FBN3: variants seen among roughly 807,000 people sequenced by gnomAD.
The protein encoded by FBN3 is fibrillin 3.
Under a neutral mutation model 330.1 loss-of-function variants are expected in FBN3, and 234 were observed. The ratio of observed to expected loss-of-function variants is 0.71; its 90% confidence interval spans 0.64 to 0.79. FBN3 has a LOEUF of 0.79. Ranked by LOEUF, FBN3 falls within the 30% of genes least tolerant of loss-of-function variation. The pLI is 0.00. For synonymous variants in FBN3, 1,458 were observed against 1,517.3 expected (o/e 0.96, Z 0.91); for missense variants, 3,606 against 3,886.9 (o/e 0.93, Z 1.92).
chr19:8,136,416 G>A lies in FBN3; in HGVS notation c.1317C>T (p.Tyr439=). ...TGCACTCGCCGCGCACGTCCTGGGT[G>A]TAGCCCACGTTACACTCGCAGCGGT... ...SSYRCECNVG[Y]TQDVRGECID... Residue 439 remains tyrosine (Y), a synonymous_variant, in exon 11 of 64, where the codon TAC becomes TAT. Coordinates refer to ENST00000600128, the MANE Select transcript of FBN3 (RefSeq NM_032447.5). The A allele has an allele frequency of 6.2e-7, 1 of 1,614,162 alleles. No individual in the cohort carries two copies. The highest frequency in any genetic ancestry group is 1.1e-5 in the South Asian group (1 of 91,090).
Position 8,109,824 on chromosome 19 carries a change from G to A in FBN3, c.4334-71C>T. 7.0e-7 allele frequency: 1 copy of A among 1,425,784 alleles called. No individual in the cohort carries two copies. The highest frequency in any genetic ancestry group is 9.2e-7 in the Non-Finnish European group (1 of 1,085,978). 88.3% of individuals were successfully genotyped at this position (1,425,784 alleles called of 1,614,324 possible). On this transcript the variant is annotated intron_variant, in intron 34 of 63. Coordinates refer to ENST00000600128, the MANE Select transcript of FBN3 (RefSeq NM_032447.5). This position sits in a 1 kb window ranked among gnomAD's most constrained non-coding sequence, Gnocchi z 5.2. Reference sequence around the variant, plus strand: ...CCCCCCTCCCTCCTAGCTTCATCCTGGGAAGCTACAGCCCTCGCTCAAGGT... The same window carrying A: ...CCCCCCTCCCTCCTAGCTTCATCCTAGGAAGCTACAGCCCTCGCTCAAGGT...
chr19:8,092,752 T>C (rs1198474299), intron 47 of FBN3, among the ~76,000 whole-genome samples: 1 of 150,214 alleles, frequency 6.7e-6, no homozygotes. Flanking sequence ...ATAATGTCCT[T>C]TGCAGCAACT....
In FBN3 at chr19:8,146,234, G is replaced by A. The variant is rs2083542576; in HGVS notation, c.251-9C>T. 2.5e-6 allele frequency: 4 copies of A among 1,579,762 alleles called. No individual in the cohort carries two copies. Among genetic ancestry groups the A allele is most frequent in the Non-Finnish European group, 3.4e-6 (4 of 1,163,886 alleles). ...GGCGCGCCTACAGATGGCTGGATGA[G>A]TGCAGCGGGTGGCAGTCAAGACCAG... is the stretch of plus-strand genomic sequence containing the variant. On this transcript the variant is annotated splice_polypyrimidine_tract_variant and intron_variant, in intron 3 of 63. Transcript: ENST00000600128.
chr19:8,087,233 T>A, intron 53 of FBN3, 22 bp from the exon 54 acceptor site: 1 of 1,563,344 alleles, frequency 6.4e-7, no homozygotes, highest in Non-Finnish European at 8.6e-7. Context: ...CAGAGACAGA[T>A]GGTCAGTCAA....
At chr19:8,068,398 A>AAG (rs1222998674) in intron 63 of FBN3, among the ~76,000 whole-genome samples, 1 of 149,664 alleles carries the variant, frequency 6.7e-6, no homozygotes, top group African/African-American at 2.5e-5. Context: ...CTCAAAAAAA[A>AAG]AAAAAATCAA....
chr19:8,071,947 TC>T lies in FBN3; in HGVS notation c.8088+100del, dbSNP rs1236610671. The T allele has an allele frequency of 2.5e-6, 3 of 1,216,714 alleles. No homozygotes were observed. The African/African-American group carries it at 4.7e-5, about 19-fold the overall frequency. The allele number at this position is 1,216,714 out of a possible 1,614,324, so 75.4% of individuals were successfully genotyped here. On this transcript the variant is annotated intron_variant, in intron 63 of 63. Coordinates refer to ENST00000600128, the MANE Select transcript of FBN3 (RefSeq NM_032447.5). ...CCTGTTGGGATCTGGAGCCTGGTGC[TC>T]CTTCTTGGGGGGGCTGACATGACTA...
intron 52 of FBN3, 30 bp downstream of exon 52, chr19:8,088,030 G>T: frequency 1.9e-6 from 3 of 1,614,086 alleles, no homozygotes; most frequent in Non-Finnish European, 2.5e-6. Flanking sequence ...TCCGTCACAC[G>T]GCCCAGGTCC....
At chr19:8,119,137 G>A (rs2082779926) in intron 25 of FBN3, 115 bp from the exon 26 acceptor site, 1 of 1,265,894 alleles carries the variant, frequency 7.9e-7, no homozygotes. Context: ...CACCCCAGCG[G>A]GAGCCAGGAG....
chr19:8,147,837 G>C (rs1006457296), intron 1 of FBN3: 4 of 196,472 alleles, frequency 2.0e-5, no homozygotes, highest in African/African-American at 9.3e-5. Context: ...TTGCTCATTC[G>C]TCAAGGACAA....
intron 28 of FBN3, 145 bp downstream of exon 28, chr19:8,117,024 G>T: frequency 7.4e-7 from 1 of 1,343,144 alleles, no homozygotes; most frequent in Non-Finnish European, 1.0e-6. Context: ...CCTGCCTGGG[G>T]CCAGGACCAC....
chr19:8,111,681 G>A lies in FBN3; in HGVS notation c.4051C>T (p.Gln1351Ter). 6.2e-7 allele frequency: 1 copy of A among 1,604,504 alleles called. No individual in the cohort carries two copies. Among genetic ancestry groups the A allele is most frequent in the African/African-American group, 1.4e-5 (1 of 73,646 alleles). The stretch of plus-strand genomic sequence containing the variant: ...AAGAAGCCATCCCCGGCAAAGCCCT[G>A]GCGGCAGGTGCAGCGGTAGGAGCCA... ...VPGSYRCTCR[Q>*]GFAGDGFFCE... is the part of the protein sequence containing the mutation. The change falls in exon 32 of 64, where the codon CAG becomes TAG. Residue 1351 changes from glutamine (Q) to a stop codon, truncating the protein, a stop_gained. Coordinates refer to ENST00000600128, the MANE Select transcript of FBN3 (RefSeq NM_032447.5). LOFTEE classifies it high-confidence loss of function.
At chr19:8,098,220 T>C (rs753290330) in intron 41 of FBN3, among the ~76,000 whole-genome samples, 6 of 152,172 alleles carry the variant, frequency 3.9e-5, no homozygotes, top group Non-Finnish European at 8.8e-5. Flanking sequence ...TAAGTGTCCA[T>C]CAAAAGGGGA....
In FBN3 at chr19:8,086,238, T is replaced by C. The variant is rs549192216; in HGVS notation, c.6842A>G (p.Glu2281Gly). The change falls in exon 55 of 64, where the codon GAG becomes GGG. Residue 2281 changes from glutamate (E) to glycine (G), a missense_variant. Coordinates refer to ENST00000600128, the MANE Select transcript of FBN3 (RefSeq NM_032447.5). Reference protein sequence around the residue: ...TAGSFRCDCDEGFQPSPTLTE... With the variant: ...TAGSFRCDCDGGFQPSPTLTE... ...AAGGGTGGGGCTGGGCTGGAATCCCTCATCACAGTCGCACCGGAAGCTGCC... is the reference window on the plus strand; with the variant it reads ...AAGGGTGGGGCTGGGCTGGAATCCCCCATCACAGTCGCACCGGAAGCTGCC... 3 of 1,609,314 alleles carry C rather than the reference T, an allele frequency of 1.9e-6. No individual in the cohort carries two copies. Among genetic ancestry groups the C allele is most frequent in the African/African-American group, 2.7e-5 (2 of 74,592 alleles).
At chr19:8,075,218 T>G (rs1050797029) in intron 60 of FBN3, 28 bp from the exon 61 acceptor site, 1 of 1,570,972 alleles carries the variant, frequency 6.4e-7, no homozygotes. Context: ...GGAGAGAGGG[T>G]TTACCAGACG....
At chr19:8,135,936 G>GGGGGGGGGGGGGGCCGCCCCCCCC in intron 13 of FBN3, 25 bp downstream of exon 13, 1 of 668,776 alleles carries the variant, frequency 1.5e-6, no homozygotes. Flanking sequence ...GGAAGCCCCT[G>GGGGGGGGGGGGGGCCGCCCCCCCC]CCCACCCGCC....
At position 8,106,170 on chromosome 19, in the gene FBN3, C is replaced by T. The variant is rs375621949; in HGVS notation, c.4751G>A (p.Gly1584Asp). The change falls in exon 38 of 64, where the codon GGC becomes GAC. Residue 1584 changes from glycine to aspartate, a missense_variant. Transcript: ENST00000600128. ...CQGGDCVNTF[G>D]SFQCECPPGY... ...AGGTGGGCACTCACACTGGAAACTG[C>T]CAAACGTGTTGACGCAGTCACCCCC... is the stretch of plus-strand genomic sequence containing the variant. 1.2e-5 allele frequency: 20 copies of T among 1,614,032 alleles called. No homozygotes were observed. The highest frequency in any genetic ancestry group is 1.6e-5 in the Non-Finnish European group (19 of 1,180,022).
rs774067869 is a variant in FBN3, at chr19:8,136,163, C to T, written c.1465+27G>A. 2.5e-6 allele frequency: 4 copies of T among 1,613,572 alleles called. No homozygotes were observed. In the East Asian group the frequency reaches 6.7e-5, roughly 27 times the overall value. ...TGGGCCAGAACCCCCAACAACATCACCCCTACTCTTGGATGGACAGCCGTA... is the reference window on the plus strand; with the variant it reads ...TGGGCCAGAACCCCCAACAACATCATCCCTACTCTTGGATGGACAGCCGTA... On this transcript the variant is annotated intron_variant, in intron 12 of 63. Coordinates refer to ENST00000600128, the MANE Select transcript of FBN3 (RefSeq NM_032447.5).
At chr19:8,084,257 G>A (rs567035766) in intron 56 of FBN3, among the ~76,000 whole-genome samples, 9 of 152,264 alleles carry the variant, frequency 5.9e-5, no homozygotes, top group Admixed American at 4.6e-4. Flanking sequence ...CACACAGGCC[G>A]CTGGCTCCCT....
At chr19:8,091,725 C>G (rs1220518411) in intron 47 of FBN3, 135 bp from the exon 48 acceptor site, 2 of 933,490 alleles carry the variant, frequency 2.1e-6, no homozygotes, top group East Asian at 5.1e-5. Flanking sequence ...GTCCTGAGAG[C>G]TCAGTATGAG....
Sources: gnomAD v4.1 joint callset for allele counts (sites outside exome capture counted in the v4.1 genomes callset) on GRCh38, gnomAD v4.1.1 for gene constraint, Gnocchi (gnomAD v3.1) non-coding constraint, MANE v1.5 for transcripts, NCBI Gene and HGNC (gene_info 2026-07-23, HGNC 2026-07-21) for gene names.